Variants in BNC2 observed in about 807,000 individuals in gnomAD.
BNC2 encodes the protein basonuclin zinc finger protein 2.
Under a neutral mutation model 76.3 loss-of-function variants are expected in BNC2, and 20 were observed. The observed-to-expected ratio is 0.26, with a 90% confidence interval of 0.18 to 0.38. The LOEUF is 0.38. Ranked by LOEUF, BNC2 falls within the 10% of genes least tolerant of loss-of-function variation. The pLI is 1.00. For missense variants in BNC2, 1,382 were observed against 1,399.8 expected, an observed-to-expected ratio of 0.99 and a Z score of 0.20; for synonymous variants, 582 against 514.8, an observed-to-expected ratio of 1.13 and a Z score of -1.77.
chr9:16,472,856 C>T (rs377690642), intron 5 of BNC2, among the ~76,000 whole-genome samples: 1 of 152,156 alleles, frequency 6.6e-6, no homozygotes, highest in Non-Finnish European at 1.5e-5. Context: ...ATTTGTGGAT[C>T]GTGCCAACAG....
intron 1 of BNC2, among the ~76,000 whole-genome samples, chr9:16,776,443 T>G (rs1825971068): frequency 6.6e-6 from 1 of 152,116 alleles, no homozygotes; most frequent in South Asian, 2.1e-4. Flanking sequence ...CCCAGCCACC[T>G]TGATTTATTT....
intron 4 of BNC2, among the ~76,000 whole-genome samples, chr9:16,581,088 T>C (rs1054236431): frequency 2.6e-5 from 4 of 152,212 alleles, no homozygotes; most frequent in African/African-American, 7.2e-5. Flanking sequence ...TTGGGAACTG[T>C]TATGGGCTTG....
At chr9:16,517,786 C>T (rs962922956) in intron 5 of BNC2, among the ~76,000 whole-genome samples, 2 of 152,060 alleles carry the variant, frequency 1.3e-5, no homozygotes, top group Non-Finnish European at 2.9e-5. Flanking sequence ...ATTGTAGGTT[C>T]CATGTAACCA....
At chr9:16,714,042 C>T (rs931606528) in intron 3 of BNC2, among the ~76,000 whole-genome samples, 2 of 152,200 alleles carry the variant, frequency 1.3e-5, no homozygotes, top group Non-Finnish European at 2.9e-5. Context: ...GATCTCACCA[C>T]TGTGCTCCAG....
chr9:16,690,378 G>A (rs1353581631), intron 3 of BNC2, among the ~76,000 whole-genome samples: 1 of 152,096 alleles, frequency 6.6e-6, no homozygotes, highest in Admixed American at 6.6e-5. Flanking sequence ...GATTACTTAA[G>A]CCCAAGAGTT....
At chr9:16,480,614 G>A (rs901432920) in intron 5 of BNC2, among the ~76,000 whole-genome samples, 1 of 152,214 alleles carries the variant, frequency 6.6e-6, no homozygotes, top group Non-Finnish European at 1.5e-5. Context: ...CAGCAGGCCG[G>A]CCCTGCTGGA....
At chr9:16,448,461 GA>G (rs1215734029) in intron 5 of BNC2, among the ~76,000 whole-genome samples, 1 of 152,098 alleles carries the variant, frequency 6.6e-6, no homozygotes, top group Non-Finnish European at 1.5e-5. Flanking sequence ...CAAGATTACT[GA>G]TATTGGTATA....
chr9:16,655,555 G>T (rs552225034), intron 3 of BNC2, among the ~76,000 whole-genome samples: 2 of 152,198 alleles, frequency 1.3e-5, no homozygotes, highest in African/African-American at 4.8e-5. Flanking sequence ...AATAAAAAAA[G>T]TCCCTAGCAC....
intron 5 of BNC2, among the ~76,000 whole-genome samples, chr9:16,494,361 C>A (rs1822340957): frequency 1.3e-5 from 2 of 151,770 alleles, no homozygotes. Flanking sequence ...CCATGTTGGC[C>A]GGGGTGGTCT....
intron 3 of BNC2, among the ~76,000 whole-genome samples, chr9:16,691,351 C>A (rs1221379344): frequency 6.6e-6 from 1 of 152,142 alleles, no homozygotes; most frequent in African/African-American, 2.4e-5. Context: ...AGACAAAGTT[C>A]TCTCAATGAC....
intron 2 of BNC2, among the ~76,000 whole-genome samples, chr9:16,736,500 G>A (rs73419968): frequency 6.8e-6 from 1 of 146,684 alleles, no homozygotes; most frequent in African/African-American, 2.5e-5. Context: ...TTTTGAGACA[G>A]AGTCTTGCTC....
rs1027012191 is a variant in BNC2 at position 16,529,917 on chromosome 9, C to T, written c.669+22613G>A. ...AGGCTGGAGAGCAGTGGCATGATCGCGGCTCACCACAACCTCTGCCTCCCA... is the reference window on the plus strand; with the variant it reads ...AGGCTGGAGAGCAGTGGCATGATCGTGGCTCACCACAACCTCTGCCTCCCA... On this transcript the variant is annotated intron_variant, in intron 5 of 6. Coordinates refer to ENST00000380672, the MANE Select transcript of BNC2 (RefSeq NM_017637.6). 2.2e-4 allele frequency among the ~76,000 whole-genome samples: 34 copies of T among 152,174 alleles called. 2 individuals are homozygous for T. In the South Asian group the frequency reaches 3.7e-3, roughly 17 times the overall value.
At chr9:16,833,620 T>G (rs1377371963) in intron 1 of BNC2, among the ~76,000 whole-genome samples, 3 of 152,206 alleles carry the variant, frequency 2.0e-5, no homozygotes, top group African/African-American at 7.2e-5. Flanking sequence ...GGGCCTCACA[T>G]GCTGGGAATT....
At chr9:16,453,819 A>G (rs1486942501) in intron 5 of BNC2, among the ~76,000 whole-genome samples, 1 of 152,164 alleles carries the variant, frequency 6.6e-6, no homozygotes, top group Admixed American at 6.5e-5. Flanking sequence ...AAACAAAACA[A>G]AACAAACAAA....
intron 5 of BNC2, among the ~76,000 whole-genome samples, chr9:16,478,220 G>T (rs1821969132): frequency 6.6e-6 from 1 of 152,130 alleles, no homozygotes. Flanking sequence ...CCTTACAGAT[G>T]GGGAGGAGGA....
intron 3 of BNC2, among the ~76,000 whole-genome samples, chr9:16,674,670 T>C (rs1822583227): frequency 6.6e-6 from 1 of 152,224 alleles, no homozygotes; most frequent in Non-Finnish European, 1.5e-5. Flanking sequence ...TTTTTGATTA[T>C]AAACTCCTAG....
chr9:16,640,838 T>C (rs1538102), intron 3 of BNC2, among the ~76,000 whole-genome samples: 19,200 of 152,150 alleles, frequency 0.13, 2,043 homozygotes, highest in African/African-American at 0.29. Context: ...CTGCCCCTTG[T>C]GGTCACAGGA....
chr9:16,865,506 T>A (rs530969457), intron 1 of BNC2, among the ~76,000 whole-genome samples: 1 of 152,204 alleles, frequency 6.6e-6, no homozygotes, highest in Non-Finnish European at 1.5e-5. Flanking sequence ...TGATTGCAAC[T>A]GTGAAATGGC....
At chr9:16,677,606 C>CAAACACACACAG (rs1455196025) in intron 3 of BNC2, among the ~76,000 whole-genome samples, 6 of 151,284 alleles carry the variant, frequency 4.0e-5, no homozygotes, top group African/African-American at 1.2e-4. Flanking sequence ...CACACACACA[C>CAAACACACACAG]AGTAGCAATA....
Sources: allele counts gnomAD v4.1 joint callset (sites outside exome capture counted in the v4.1 genomes callset), GRCh38; gene constraint gnomAD v4.1.1; transcripts MANE v1.5; gene names NCBI Gene and HGNC (gene_info 2026-07-23, HGNC 2026-07-21).